The following TMEM223 variants were observed in gnomAD, a reference collection of about 807,000 sequenced individuals.
TMEM223 encodes the protein transmembrane protein 223.
In TMEM223, 14 loss-of-function variants were observed where a neutral mutation model predicts 14.1. That is an observed-to-expected ratio of 0.99 (90% confidence interval 0.66 to 1.55). The LOEUF (loss-of-function observed/expected upper bound fraction) is 1.55. Ranked by LOEUF, TMEM223 falls within the 40% of genes most tolerant of loss-of-function variation. The pLI, the probability that TMEM223 is intolerant of heterozygous loss-of-function variation, is 0.00. For missense variants in TMEM223, 346 were observed against 269.9 expected, an observed-to-expected ratio of 1.28 and a Z score of -1.97; for synonymous variants, 145 against 120.5, an observed-to-expected ratio of 1.20 and a Z score of -1.33.
intron 1 of TMEM223, chr11:62,776,312 C>T (rs2084187779): frequency 1.3e-6 from 2 of 1,492,272 alleles, no homozygotes; most frequent in African/African-American, 1.4e-5. Context: ...CAGTCTGGCC[C>T]ACTTCATTTG....
chr11:62,777,431 T>C (rs11231212), intron 1 of TMEM223, among the ~76,000 whole-genome samples: 5,566 of 152,216 alleles, frequency 0.037, 163 homozygotes, highest in East Asian at 0.14. Context: ...GGCTATGTGT[T>C]CAGAAAAGAG....
At chr11:62,782,920 C>T (rs927755548), downstream of TMEM223, 3 of 1,518,180 alleles carry the variant, frequency 2.0e-6, no homozygotes, top group African/African-American at 4.1e-5. Flanking sequence ...ATAGTGTGTG[C>T]CTGCCACTGC....
At chr11:62,787,548 C>T (rs1221357673), downstream of TMEM223, 3 of 1,535,710 alleles carry the variant, frequency 2.0e-6, no homozygotes, top group Non-Finnish European at 2.6e-6. Flanking sequence ...GGGGCGGGGT[C>T]AGGTAGGCGG....
chr11:62,772,485 T>C (rs1287919296), intron 2 of TMEM223, among the ~76,000 whole-genome samples: 1 of 148,902 alleles, frequency 6.7e-6, no homozygotes, highest in African/African-American at 2.5e-5. Context: ...ATCACGCCAC[T>C]GTACTCCAGC....
At chr11:62,782,404 C>T (rs1365302564) in intron 1 of TMEM223, 30 of 1,504,372 alleles carry the variant, frequency 2.0e-5, no homozygotes, top group South Asian at 8.4e-5. Context: ...GGAAATGGGG[C>T]GAAGCCTCTG....
downstream of TMEM223, chr11:62,787,309 T>G (rs769202376): frequency 6.5e-7 from 1 of 1,530,688 alleles, no homozygotes; most frequent in African/African-American, 1.4e-5. Context: ...CAGTGGCCCC[T>G]TCGTTCCTTG....
chr11:62,777,019 C>A (rs745457219), intron 1 of TMEM223, among the ~76,000 whole-genome samples: 1 of 151,554 alleles, frequency 6.6e-6, no homozygotes, highest in East Asian at 1.9e-4. Context: ...TGGCGGTGGG[C>A]GCCTGTAACC....
At chr11:62,778,432 T>G in intron 1 of TMEM223, 1 of 1,402,408 alleles carries the variant, frequency 7.1e-7, no homozygotes, top group Non-Finnish European at 1.0e-6. Context: ...GTCTAACATG[T>G]GTTTACCCAT....
chr11:62,786,401 C>G, downstream of TMEM223: 1 of 1,609,942 alleles, frequency 6.2e-7, no homozygotes, highest in Non-Finnish European at 8.5e-7. Context: ...GAGTACCGTC[C>G]CCTTCCAGCC....
At chr11:62,789,431 T>C (rs751697259), downstream of TMEM223, 6 of 1,613,626 alleles carry the variant, frequency 3.7e-6, no homozygotes, top group African/African-American at 8.0e-5. Context: ...AATTAGGTAA[T>C]GGGAGAGGGA....
downstream of TMEM223, chr11:62,786,639 G>A (rs374060029): frequency 1.9e-5 from 31 of 1,603,248 alleles, no homozygotes; most frequent in Non-Finnish European, 2.3e-5. Flanking sequence ...TCTTTCAAGA[G>A]TCGTCCTCCG....
intron 1 of TMEM223, chr11:62,782,294 T>C (rs746452629): frequency 3.0e-5 from 49 of 1,614,046 alleles, no homozygotes; most frequent in Non-Finnish European, 4.1e-5. Context: ...CACTGGACTC[T>C]GCGGGATGGG....
chr11:62,778,107 T>A, intron 1 of TMEM223: 1 of 1,614,134 alleles, frequency 6.2e-7, no homozygotes. Context: ...CCCCAAAGGC[T>A]GTGCTGAGAC....
At chr11:62,785,538 CT>C (rs1205888751), downstream of TMEM223, among the ~76,000 whole-genome samples, 1,066 of 136,222 alleles carry the variant, frequency 7.8e-3, 5 homozygotes, top group African/African-American at 0.019. Flanking sequence ...ATAGTTAATT[CT>C]TTTTTTTTTT....
At chr11:62,782,013 G>T in intron 1 of TMEM223, 1 of 1,609,382 alleles carries the variant, frequency 6.2e-7, no homozygotes, top group Middle Eastern at 1.7e-4. Context: ...ATAAGGAAGA[G>T]ATGACCCAGC....
chr11:62,788,947 T>C (rs1379684916), downstream of TMEM223: 1 of 1,466,316 alleles, frequency 6.8e-7, no homozygotes, highest in Non-Finnish European at 9.2e-7. Context: ...TCCTAAGTTA[T>C]CACTAACACC....
intron 1 of TMEM223, chr11:62,777,873 C>A: frequency 7.3e-7 from 1 of 1,371,310 alleles, no homozygotes; most frequent in African/African-American, 1.4e-5. Context: ...TCTGGACTTC[C>A]TTCAAACGTG....
downstream of TMEM223, chr11:62,789,114 G>A: frequency 6.2e-7 from 1 of 1,614,210 alleles, no homozygotes; most frequent in Non-Finnish European, 8.5e-7. Context: ...CCATCCCTGT[G>A]CTACTTTGTA....
intron 1 of TMEM223, 62 bp from the exon 2 acceptor site, chr11:62,790,977 C>T: frequency 1.4e-6 from 2 of 1,440,084 alleles, no homozygotes; most frequent in Non-Finnish European, 1.8e-6. Context: ...ACCGACCTTT[C>T]CAGTGCCCTC....
Sources: allele counts gnomAD v4.1 joint callset (sites outside exome capture counted in the v4.1 genomes callset), GRCh38; gene constraint gnomAD v4.1.1; transcripts MANE v1.5; gene names NCBI Gene and HGNC (gene_info 2026-07-23, HGNC 2026-07-21).